The following SCFD2 variants were observed in gnomAD, a reference collection of about 807,000 sequenced individuals.
SCFD2 encodes the protein sec1 family domain-containing protein 2.
A neutral mutation model predicts 58.9 loss-of-function variants in SCFD2; 54 were observed. That is an observed-to-expected ratio of 0.92 (90% confidence interval 0.74 to 1.15). The LOEUF is 1.15. Among genes scored for constraint, SCFD2 ranks in the 50% most tolerant of loss-of-function variants. The pLI, the probability that SCFD2 is intolerant of heterozygous loss-of-function variation, is 0.00. For missense variants in SCFD2, 805 were observed against 836.6 expected (o/e 0.96, Z 0.47); for synonymous variants, 321 against 335.9 (o/e 0.96, Z 0.49).
At chr4:52,985,410 A>C (rs1721466257) in intron 5 of SCFD2, among the ~76,000 whole-genome samples, 1 of 152,156 alleles carries the variant, frequency 6.6e-6, no homozygotes, top group Non-Finnish European at 1.5e-5. Context: ...ATTATGTTTC[A>C]TTCTAATGCT....
chr4:53,260,283 G>A (rs1182455623), intron 4 of SCFD2, among the ~76,000 whole-genome samples: 2 of 152,110 alleles, frequency 1.3e-5, no homozygotes, highest in East Asian at 3.9e-4. Flanking sequence ...GAAGTGATGA[G>A]AGTGTGTATC....
intron 4 of SCFD2, among the ~76,000 whole-genome samples, chr4:53,255,562 A>G (rs1730581484): frequency 3.3e-5 from 5 of 152,168 alleles, no homozygotes; most frequent in Admixed American, 2.6e-4. Context: ...CCCAAGGCAG[A>G]AGAATTTTTC....
chr4:52,907,300 A>G (rs1159049730), intron 7 of SCFD2, among the ~76,000 whole-genome samples, 157 bp downstream of exon 7: 1 of 152,242 alleles, frequency 6.6e-6, no homozygotes, highest in Non-Finnish European at 1.5e-5. Flanking sequence ...CAGGCTGCTT[A>G]TAATCAAAAG....
chr4:53,116,914 C>T lies in SCFD2; in HGVS notation c.1561+28419G>A, dbSNP rs72624192. On this transcript the variant is annotated intron_variant, in intron 5 of 8. Coordinates refer to ENST00000401642, the MANE Select transcript of SCFD2 (RefSeq NM_152540.4). ...ACCACAGAGCCTCTAAGTACCATCA[C>T]CTTGTCACAGATATCCTGGAATTCC... Among the ~76,000 whole-genome samples the T allele has an allele frequency of 2.6e-5, 4 of 152,176 alleles. No individual in the cohort carries two copies. In the East Asian group the frequency reaches 5.8e-4, roughly 22 times the overall value.
intron 3 of SCFD2, among the ~76,000 whole-genome samples, chr4:53,288,657 T>G (rs1291880779): frequency 6.6e-6 from 1 of 152,172 alleles, no homozygotes; most frequent in African/African-American, 2.4e-5. Context: ...CCAGCAAAGC[T>G]TTCCTTCAGG....
intron 3 of SCFD2, among the ~76,000 whole-genome samples, chr4:53,302,899 T>C (rs1195683655): frequency 1.3e-5 from 2 of 152,208 alleles, no homozygotes; most frequent in African/African-American, 4.8e-5. Flanking sequence ...GCTGGCCATA[T>C]ATAGAGAGCT....
chr4:53,182,818 C>A (rs529106427), intron 4 of SCFD2, among the ~76,000 whole-genome samples: 1 of 150,490 alleles, frequency 6.6e-6, no homozygotes, highest in African/African-American at 2.5e-5. Flanking sequence ...AAAAAAAAAA[C>A]AACCCCATCA....
At chr4:53,229,110 G>T (rs1436801599) in intron 4 of SCFD2, among the ~76,000 whole-genome samples, 1 of 152,086 alleles carries the variant, frequency 6.6e-6, no homozygotes, top group East Asian at 1.9e-4. Flanking sequence ...ACTGCTCAAT[G>T]AAATAAAAGA....
chr4:53,028,075 T>C (rs1722522801), intron 5 of SCFD2, among the ~76,000 whole-genome samples: 1 of 151,782 alleles, frequency 6.6e-6, no homozygotes, highest in Non-Finnish European at 1.5e-5. Flanking sequence ...GGTGAAACCT[T>C]GTCTCTACTA....
intron 4 of SCFD2, among the ~76,000 whole-genome samples, chr4:53,270,342 T>C (rs911941090): frequency 6.6e-6 from 1 of 151,520 alleles, no homozygotes; most frequent in Non-Finnish European, 1.5e-5. Flanking sequence ...TACAGCAAAC[T>C]AGGATTAGGA....
intron 3 of SCFD2, among the ~76,000 whole-genome samples, chr4:53,289,201 C>T (rs890353935): frequency 6.6e-6 from 1 of 151,924 alleles, no homozygotes; most frequent in African/African-American, 2.4e-5. Flanking sequence ...CCTGTATCTA[C>T]TAAAAACACA....
At chr4:53,251,345 T>C (rs1045133545) in intron 4 of SCFD2, among the ~76,000 whole-genome samples, 2 of 151,916 alleles carry the variant, frequency 1.3e-5, no homozygotes, top group Non-Finnish European at 2.9e-5. Flanking sequence ...ACTATTCCAA[T>C]CAATAGAAAA....
chr4:53,309,083 A>T (rs373318275), intron 3 of SCFD2, among the ~76,000 whole-genome samples: 2 of 152,132 alleles, frequency 1.3e-5, no homozygotes, highest in East Asian at 3.9e-4. Context: ...CAGTGAGCCG[A>T]GATCACGCCA....
At chr4:53,138,389 T>G (rs1269577608) in intron 5 of SCFD2, among the ~76,000 whole-genome samples, 1 of 152,204 alleles carries the variant, frequency 6.6e-6, no homozygotes, top group African/African-American at 2.4e-5. Flanking sequence ...ACACAGATCT[T>G]TAAAAATAGT....
intron 5 of SCFD2, among the ~76,000 whole-genome samples, chr4:53,033,631 G>A (rs1187593703): frequency 6.6e-6 from 1 of 152,090 alleles, no homozygotes; most frequent in African/African-American, 2.4e-5. Context: ...AAAAGATATA[G>A]GGGATATCAC....
chr4:53,254,725 G>A (rs1250259275), intron 4 of SCFD2, among the ~76,000 whole-genome samples: 2 of 151,816 alleles, frequency 1.3e-5, no homozygotes, highest in African/African-American at 4.8e-5. Flanking sequence ...TACTACTGTA[G>A]CCACTGGCCA....
At position 53,307,948 on chromosome 4, in the gene SCFD2, G is replaced by T. The variant is rs1248188675; in HGVS notation, c.1135+5688C>A. The stretch of plus-strand genomic sequence containing the variant: ...CTGCTTCTTACCCTCTAGCCTTGAG[G>T]TTTCCCTCTAGTTCCCCTTATTAGC... On this transcript the variant is annotated intron_variant, in intron 3 of 8. Transcript: ENST00000401642. Among the ~76,000 whole-genome samples, 3 of 152,192 alleles carry T rather than the reference G, an allele frequency of 2.0e-5. No homozygotes were observed. In the East Asian group the frequency reaches 5.8e-4, roughly 29 times the overall value.
rs116091931 is a variant in SCFD2, at chr4:53,244,657, T to A, written c.1311+29169A>T. 7.4e-3 allele frequency among the ~76,000 whole-genome samples: 1,124 copies of A among 151,702 alleles called. 7 individuals carry two copies. The highest frequency in any genetic ancestry group is 0.026 in the African/African-American group (1,068 of 41,372). On this transcript the variant is annotated intron_variant, in intron 4 of 8. Coordinates refer to ENST00000401642, the MANE Select transcript of SCFD2 (RefSeq NM_152540.4). ...AGAAAGTCTGATGTCCACATCAAAT[T>A]AACAACCTAACATCACAACTAAAAG...
intron 5 of SCFD2, among the ~76,000 whole-genome samples, chr4:52,997,597 C>A (rs1188031704): frequency 6.6e-6 from 1 of 152,170 alleles, no homozygotes; most frequent in African/African-American, 2.4e-5. Context: ...CATTTTATTG[C>A]TGGCCTGGGG....
Sources: gnomAD v4.1 joint callset for allele counts (sites outside exome capture counted in the v4.1 genomes callset) on GRCh38, gnomAD v4.1.1 for gene constraint, MANE v1.5 for transcripts, NCBI Gene and HGNC (gene_info 2026-07-23, HGNC 2026-07-21) for gene names.